Variants in INSL6 observed in about 807,000 individuals in gnomAD.
The protein encoded by INSL6 is insulin-like peptide INSL6.
A neutral mutation model predicts 9.4 loss-of-function variants in INSL6; 16 were observed. The observed-to-expected ratio is 1.70, with a 90% CI of 1.15 to 2.59. The LOEUF (loss-of-function observed/expected upper bound fraction) is 2.59. Ranked by LOEUF, INSL6 falls within the 30% of genes most tolerant of loss-of-function variation. The probability of loss-of-function intolerance (pLI) is 0.00; values close to 1 mark genes in which losing one functional copy is unlikely to be tolerated. For synonymous variants in INSL6, 154 were observed against 96.9 expected, an observed-to-expected ratio of 1.59 and a Z score of -3.46; for missense variants, 391 against 257.3, an observed-to-expected ratio of 1.52 and a Z score of -3.56.
the INSL6 span, among the ~76,000 whole-genome samples, chr9:5,083,851 C>T: frequency 5.9e-5 from 9 of 152,120 alleles, no homozygotes; most frequent in Non-Finnish European, 8.8e-5. Context: ...AATGAAGATA[C>T]GTTCCATTTG....
the INSL6 span, chr9:5,098,344 G>A: frequency 6.6e-6 from 1 of 152,084 alleles, no homozygotes; most frequent in Non-Finnish European, 1.5e-5. Flanking sequence ...TGTCTTAATG[G>A]CTCATCCAGT....
chr9:5,087,216 G>C, the INSL6 span, among the ~76,000 whole-genome samples: 1 of 152,166 alleles, frequency 6.6e-6, no homozygotes, highest in African/African-American at 2.4e-5. Context: ...CCCATGGCTG[G>C]GGAGGCCTCA....
the INSL6 span, among the ~76,000 whole-genome samples, chr9:5,095,424 A>T: frequency 6.6e-6 from 1 of 152,190 alleles, no homozygotes; most frequent in Non-Finnish European, 1.5e-5. Flanking sequence ...AAGCAACTGC[A>T]TCTATAATTC....
the INSL6 span, chr9:5,029,949 A>G: frequency 1.3e-6 from 2 of 1,512,572 alleles, no homozygotes; most frequent in Non-Finnish European, 1.8e-6. Flanking sequence ...CTAAAAGGCA[A>G]AATGGGAGAA....
the INSL6 span, chr9:5,090,654 A>C: frequency 1.5e-5 from 23 of 1,515,060 alleles, no homozygotes; most frequent in East Asian, 4.6e-4. Flanking sequence ...GTTTTCATAG[A>C]TAATAAAGGG....
At chr9:5,111,490 T>C in the INSL6 span, 1 of 371,436 alleles carries the variant, frequency 2.7e-6, no homozygotes, top group South Asian at 2.1e-5. Flanking sequence ...AGGAGTACGG[T>C]AGGGATGCCG....
At chr9:5,070,584 T>G in the INSL6 span, among the ~76,000 whole-genome samples, 1 of 151,968 alleles carries the variant, frequency 6.6e-6, no homozygotes, top group African/African-American at 2.4e-5. Flanking sequence ...TTTTTTAAAA[T>G]TATTTATTTA....
intron 2 of INSL6, among the ~76,000 whole-genome samples, chr9:5,158,101 G>C (rs1439171045): frequency 2.0e-5 from 3 of 152,012 alleles, no homozygotes. Flanking sequence ...TCAAGCAGAA[G>C]AAACAATTAG....
chr9:5,159,073 T>C (rs1436395173), downstream of INSL6, among the ~76,000 whole-genome samples: 1 of 152,154 alleles, frequency 6.6e-6, no homozygotes, highest in Non-Finnish European at 1.5e-5. Context: ...GTCATTACTT[T>C]AAAGTAATGG....
At chr9:5,064,460 G>A in the INSL6 span, among the ~76,000 whole-genome samples, 2 of 151,626 alleles carry the variant, frequency 1.3e-5, no homozygotes, top group African/African-American at 4.8e-5. Context: ...AGCCTGGGAG[G>A]TGGAGGTTGC....
the INSL6 span, among the ~76,000 whole-genome samples, chr9:5,002,125 C>T: frequency 6.6e-6 from 1 of 151,758 alleles, no homozygotes; most frequent in African/African-American, 2.4e-5. Context: ...TTTCTAAAAA[C>T]AAAGTTTTGG....
the INSL6 span, among the ~76,000 whole-genome samples, chr9:5,024,936 CTT>C: frequency 2.4e-3 from 359 of 152,304 alleles, 2 homozygotes; most frequent in African/African-American, 8.2e-3. Context: ...ATCTTCAAGA[CTT>C]TGCTTAACTA....
rs1824981399 is a variant in INSL6 at position 5,163,870 on chromosome 9, A to G, written c.*43T>C. The G allele has an allele frequency of 8.0e-7, 1 of 1,254,098 alleles. No homozygotes were observed. Among genetic ancestry groups the G allele is most frequent in the Non-Finnish European group, 1.1e-6 (1 of 883,862 alleles). The allele number at this position is 1,254,098 out of a possible 1,614,324, so 77.7% of individuals were successfully genotyped here. On this transcript the variant is annotated 3_prime_UTR_variant, in exon 2 of 2. Coordinates refer to ENST00000381641, the MANE Select transcript of INSL6 (RefSeq NM_007179.3). The stretch of plus-strand genomic sequence containing the variant: ...TTACAAAAAAAAATAGAGTTAAATA[A>G]ATGTATTAAGCTTTTATTAGGTTAG...
At chr9:5,051,171 G>A in the INSL6 span, among the ~76,000 whole-genome samples, 2 of 151,980 alleles carry the variant, frequency 1.3e-5, no homozygotes, top group Admixed American at 1.3e-4. Flanking sequence ...AAATCATATG[G>A]GTAAGTTTTA....
the INSL6 span, among the ~76,000 whole-genome samples, chr9:4,993,023 T>C: frequency 6.6e-6 from 1 of 152,210 alleles, no homozygotes; most frequent in Non-Finnish European, 1.5e-5. Flanking sequence ...CTGAGCTTGC[T>C]TCCTGCCTGT....
chr9:5,183,111 G>A (rs1825495223), intron 1 of INSL6, among the ~76,000 whole-genome samples: 1 of 152,094 alleles, frequency 6.6e-6, no homozygotes, highest in African/African-American at 2.4e-5. Flanking sequence ...ATATAAAAAT[G>A]ATGTCATAAT....
chr9:5,021,910 G>A, the INSL6 span: 2 of 1,049,320 alleles, frequency 1.9e-6, no homozygotes, highest in African/African-American at 1.6e-5. Context: ...TAGGATTACA[G>A]GTGTGAGACA....
the INSL6 span, among the ~76,000 whole-genome samples, chr9:5,070,834 C>T: frequency 6.6e-6 from 1 of 151,978 alleles, no homozygotes; most frequent in East Asian, 1.9e-4. Flanking sequence ...TGATGATCAG[C>T]CACATTTATC....
At chr9:5,173,899 T>C (rs1586876880) in intron 1 of INSL6, among the ~76,000 whole-genome samples, 1 of 152,238 alleles carries the variant, frequency 6.6e-6, no homozygotes, top group East Asian at 1.9e-4. Context: ...CTGGATTTGC[T>C]TTCTACTTCA....
Sources: gnomAD v4.1 joint callset for allele counts (sites outside exome capture counted in the v4.1 genomes callset) on GRCh38, gnomAD v4.1.1 for gene constraint, MANE v1.5 for transcripts, NCBI Gene and HGNC (gene_info 2026-07-23, HGNC 2026-07-21) for gene names.